Variants in PEX5L observed in about 807,000 individuals in gnomAD.
PEX5L encodes peroxisomal biogenesis factor 5 like.
PEX5L carries 30 observed loss-of-function variants against 84.0 expected under a neutral mutation model. The ratio of observed to expected loss-of-function variants is 0.36; its 90% confidence interval spans 0.27 to 0.48. The LOEUF (loss-of-function observed/expected upper bound fraction) is 0.48. PEX5L is among the 20% of genes least tolerant of loss of function. The pLI, the probability that PEX5L is intolerant of heterozygous loss-of-function variation, is 0.99. For synonymous variants in PEX5L, 270 were observed against 283.1 expected (o/e 0.95, Z 0.46); for missense variants, 533 against 754.6 (o/e 0.71, Z 3.44).
chr3:179,809,508 C>T lies in PEX5L; in HGVS notation c.1315G>A (p.Gly439Ser), dbSNP rs1056608865. 6.2e-7 allele frequency: 1 copy of T among 1,614,094 alleles called. No individual in the cohort carries two copies. The highest frequency in any genetic ancestry group is 8.5e-7 in the Non-Finnish European group (1 of 1,179,996). Residue 439 changes from glycine (G) to serine (S), a missense_variant, in exon 12 of 15, where the codon GGC becomes AGC. Gly to Ser is a moderately conservative substitution (Grantham distance 56, BLOSUM62 0). Around this residue, in one of 8 missense-constraint regions of PEX5L, gnomAD observed 63 missense variants for 60.2 expected, o/e 1.05. Coordinates refer to ENST00000467460, the MANE Select transcript of PEX5L (RefSeq NM_016559.3). Reference protein sequence around the residue: ...YLVKSKKGSPGLTRRMSKSPV... With the variant: ...YLVKSKKGSPSLTRRMSKSPV... The stretch of plus-strand genomic sequence containing the variant: ...GACTTAGACATCCGCCGGGTGAGGC[C>T]TGGAGATCCCTTCTTGCTTTTCACA...
intron 2 of PEX5L, among the ~76,000 whole-genome samples, chr3:179,964,731 T>C (rs1782904383): frequency 1.3e-5 from 2 of 152,244 alleles, no homozygotes; most frequent in Non-Finnish European, 2.9e-5. Flanking sequence ...GAGAAATGCA[T>C]ACCCAAACCA....
chr3:179,805,563 A>G (rs1720985583), intron 14 of PEX5L, among the ~76,000 whole-genome samples: 1 of 152,232 alleles, frequency 6.6e-6, no homozygotes, highest in African/African-American at 2.4e-5. Context: ...TTTTTAAGAA[A>G]TGTATTCAAT....
chr3:179,931,715 C>T (rs747312576), intron 2 of PEX5L, among the ~76,000 whole-genome samples: 1 of 152,080 alleles, frequency 6.6e-6, no homozygotes, highest in Non-Finnish European at 1.5e-5. Context: ...TCATTGGATA[C>T]AGCACAGCCC....
At chr3:179,806,024 T>C (rs1204836459) in intron 14 of PEX5L, among the ~76,000 whole-genome samples, 1 of 150,004 alleles carries the variant, frequency 6.7e-6, no homozygotes, top group Non-Finnish European at 1.5e-5. Context: ...ATATATAAAA[T>C]GTATGTAATA....
In PEX5L at chr3:179,800,971, G is replaced by A. The variant is rs1261048841; in HGVS notation, c.*857C>T. The stretch of plus-strand genomic sequence containing the variant: ...ACTTATGTTCATACAGACCCAGAAA[G>A]CACGTGAATGAAAAGATCTGTTTGC... On this transcript the variant is annotated 3_prime_UTR_variant, in exon 15 of 15. Transcript: ENST00000467460. 6.6e-6 allele frequency: 1 copy of A among 152,522 alleles called. No individual in the cohort carries two copies. Among genetic ancestry groups the A allele is most frequent in the Non-Finnish European group, 1.5e-5 (1 of 68,022 alleles). 9.4% of individuals were successfully genotyped at this position (152,522 alleles called of 1,614,324 possible).
At chr3:179,929,259 GA>G (rs1232522123) in intron 2 of PEX5L, among the ~76,000 whole-genome samples, 2 of 152,146 alleles carry the variant, frequency 1.3e-5, no homozygotes, top group Non-Finnish European at 2.9e-5. Flanking sequence ...CAGCAGATCA[GA>G]GTCAGTTCTG....
intron 7 of PEX5L, among the ~76,000 whole-genome samples, chr3:179,866,434 T>C (rs1444076334): frequency 6.6e-6 from 1 of 152,174 alleles, no homozygotes; most frequent in African/African-American, 2.4e-5. Context: ...TTGGACAAAT[T>C]ACTTAAACTA....
intron 8 of PEX5L, among the ~76,000 whole-genome samples, chr3:179,855,168 G>A (rs1743435497): frequency 6.6e-6 from 1 of 152,182 alleles, no homozygotes; most frequent in African/African-American, 2.4e-5. Context: ...AGAAGAAAGA[G>A]TGGAGAGGTG....
intron 14 of PEX5L, among the ~76,000 whole-genome samples, chr3:179,803,063 G>A (rs1456752824): frequency 6.6e-6 from 1 of 152,120 alleles, no homozygotes; most frequent in African/African-American, 2.4e-5. Flanking sequence ...AAGCTAATAT[G>A]TTATTTGATT....
At chr3:179,808,891 G>A (rs996851686) in intron 12 of PEX5L, among the ~76,000 whole-genome samples, 14 of 151,684 alleles carry the variant, frequency 9.2e-5, no homozygotes, top group Admixed American at 8.6e-4. Flanking sequence ...TCCTGGCTAA[G>A]GTGAAACCCC....
intron 1 of PEX5L, among the ~76,000 whole-genome samples, chr3:180,022,284 T>G (rs1054788249): frequency 6.6e-6 from 1 of 152,200 alleles, no homozygotes; most frequent in African/African-American, 2.4e-5. Flanking sequence ...AAAATAGATA[T>G]TTTAATATGA....
intron 1 of PEX5L, chr3:179,974,311 G>T: frequency 2.6e-6 from 1 of 390,022 alleles, no homozygotes; most frequent in Non-Finnish European, 3.5e-6. Context: ...ATCACTTCCT[G>T]TGCTCCTCCC....
chr3:179,965,393 A>G (rs2110155698), intron 2 of PEX5L, among the ~76,000 whole-genome samples: 1 of 152,336 alleles, frequency 6.6e-6, no homozygotes, highest in East Asian at 1.9e-4. Context: ...CACAGCAGGC[A>G]TCTGAGCAGA....
rs946551542 is a variant in PEX5L, at chr3:179,821,070, T to G, written c.823-1094A>C. ...TTCAAGGAACCACTTTGGCCTTGGATAGCTGTTAGTGGTCACCATGACAGC... is the reference window on the plus strand; with the variant it reads ...TTCAAGGAACCACTTTGGCCTTGGAGAGCTGTTAGTGGTCACCATGACAGC... On this transcript the variant is annotated intron_variant, in intron 8 of 14. Coordinates refer to ENST00000467460, the MANE Select transcript of PEX5L (RefSeq NM_016559.3). Among the ~76,000 whole-genome samples the G allele has an allele frequency of 1.2e-4, 19 of 152,296 alleles. 1 individual carries two copies. Among genetic ancestry groups the G allele is most frequent in the Middle Eastern group, 6.8e-3 (2 of 294 alleles).
At chr3:179,905,569 C>CT (rs1158010998) in intron 2 of PEX5L, among the ~76,000 whole-genome samples, 2 of 152,210 alleles carry the variant, frequency 1.3e-5, no homozygotes, top group Admixed American at 1.3e-4. Context: ...AATCTGTGTC[C>CT]TTTTTTTGTG....
chr3:179,941,684 A>C (rs1466896133), intron 2 of PEX5L, among the ~76,000 whole-genome samples: 1 of 152,164 alleles, frequency 6.6e-6, no homozygotes, highest in East Asian at 1.9e-4. Context: ...ACTTTCCAAC[A>C]CAGCTCATAC....
chr3:180,010,243 C>A (rs145269992), intron 1 of PEX5L, among the ~76,000 whole-genome samples: 5,288 of 119,814 alleles, frequency 0.044, 368 homozygotes, highest in African/African-American at 0.19. Context: ...CTGCACCCGG[C>A]CTCTTTTTTT....
Position 179,809,577 on chromosome 3 carries a change from C to A in PEX5L, c.1246G>T (p.Ala416Ser). ...NTGHQQDACD[A>S]LKNWIKQNPK... ...TTTTGCTTAATCCAATTCTTCAGAG[C>A]GTCACAGGCATCCTGCTGATGGCCA... Residue 416 changes from alanine (A) to serine (S), a missense_variant, in exon 12 of 15, where the codon GCT (alanine) becomes TCT (serine). By Grantham distance (99) the Ala-to-Ser change is moderately conservative (BLOSUM62 1). Transcript: ENST00000467460. 6.2e-7 allele frequency: 1 copy of A among 1,613,606 alleles called. No homozygotes were observed. The highest frequency in any genetic ancestry group is 8.5e-7 in the Non-Finnish European group (1 of 1,179,764).
intron 8 of PEX5L, among the ~76,000 whole-genome samples, chr3:179,827,934 G>A (rs1195592828): frequency 6.6e-6 from 1 of 152,124 alleles, no homozygotes; most frequent in African/African-American, 2.4e-5. Context: ...CTGTCCTTGT[G>A]AAGTCTAGTT....
Sources: allele counts gnomAD v4.1 joint callset (sites outside exome capture counted in the v4.1 genomes callset), GRCh38; gene constraint gnomAD v4.1.1; regional missense constraint gnomAD v4.1.1; transcripts MANE v1.5; gene names NCBI Gene and HGNC (gene_info 2026-07-23, HGNC 2026-07-21).